Variants in BBX observed in about 807,000 individuals in gnomAD.
BBX encodes the protein HMG box transcription factor BBX.
A neutral mutation model predicts 100.2 loss-of-function variants in BBX; 30 were observed. That is an observed-to-expected ratio of 0.30 (90% CI 0.22 to 0.41). The LOEUF is 0.41. BBX is among the 10% of genes least tolerant of loss of function. The probability of loss-of-function intolerance (pLI) is 1.00; values close to 1 mark genes in which losing one functional copy is unlikely to be tolerated. For synonymous variants in BBX, 376 were observed against 388.1 expected (o/e 0.97, Z 0.37); for missense variants, 1,023 against 1,129.8 (o/e 0.91, Z 1.35).
At chr3:107,698,181 T>C (rs2060787980) in intron 3 of BBX, among the ~76,000 whole-genome samples, 1 of 151,870 alleles carries the variant, frequency 6.6e-6, no homozygotes, top group South Asian at 2.1e-4. Flanking sequence ...CTGGGAGCTG[T>C]AGACCAGAGC....
At chr3:107,644,067 G>A (rs978300027) in intron 2 of BBX, among the ~76,000 whole-genome samples, 1 of 152,140 alleles carries the variant, frequency 6.6e-6, no homozygotes, top group South Asian at 2.1e-4. Context: ...TGCATCATGG[G>A]TAATAAATTA....
chr3:107,688,637 T>C (rs144146332), intron 3 of BBX, among the ~76,000 whole-genome samples: 12 of 152,334 alleles, frequency 7.9e-5, no homozygotes, highest in African/African-American at 2.6e-4. Context: ...GGACCACATT[T>C]GTTGCACTCT....
chr3:107,691,042 G>T (rs542677308), intron 3 of BBX, among the ~76,000 whole-genome samples: 19 of 151,722 alleles, frequency 1.3e-4, no homozygotes, highest in African/African-American at 4.6e-4. Context: ...AAGTAGCTAG[G>T]ACCACCGGTG....
intron 2 of BBX, among the ~76,000 whole-genome samples, chr3:107,591,469 A>C (rs1396152611): frequency 6.6e-6 from 1 of 152,092 alleles, no homozygotes; most frequent in East Asian, 1.9e-4. Flanking sequence ...TAGAAAGGAA[A>C]GGGGGAGATA....
chr3:107,541,748 A>T lies in BBX; in HGVS notation c.-84+15350A>T, dbSNP rs190178747. Among the ~76,000 whole-genome samples, 305 of 152,124 alleles carry T rather than the reference A, an allele frequency of 2.0e-3. 1 individual carries two copies. The Middle Eastern group carries it at 0.037, about 19-fold the overall frequency. ...ATATTCAGATACCTGAGCTACTCCT[A>T]TTTCTGTAACATGTTCATATTGTAA... On this transcript the variant is annotated intron_variant, in intron 2 of 17. Coordinates refer to ENST00000325805, the MANE Select transcript of BBX (RefSeq NM_001142568.3).
At chr3:107,600,169 A>T (rs1235413217) in intron 2 of BBX, among the ~76,000 whole-genome samples, 1 of 152,224 alleles carries the variant, frequency 6.6e-6, no homozygotes, top group Non-Finnish European at 1.5e-5. Context: ...ACACACATGC[A>T]TGTATATTTT....
intron 13 of BBX, 72 bp downstream of exon 13, chr3:107,778,591 C>G (rs2067522628): frequency 6.7e-7 from 1 of 1,487,106 alleles, no homozygotes; most frequent in African/African-American, 1.4e-5. Flanking sequence ...GCTTTTAGCT[C>G]CCTTTAGACA....
In BBX at chr3:107,557,979, G is replaced by A. The variant is rs2050201997; in HGVS notation, c.-84+31581G>A. On this transcript the variant is annotated intron_variant, in intron 2 of 17. Coordinates refer to ENST00000325805, the MANE Select transcript of BBX (RefSeq NM_001142568.3). ...ACCTGGTAGAAATACCTATACCCAGGTCTCCAGAATCCTGAATCAGAAACT... is the reference window on the plus strand; with the variant it reads ...ACCTGGTAGAAATACCTATACCCAGATCTCCAGAATCCTGAATCAGAAACT... Among the ~76,000 whole-genome samples the A allele has an allele frequency of 2.0e-5, 3 of 152,204 alleles. No homozygotes were observed. The South Asian group carries it at 6.2e-4, about 32-fold the overall frequency.
chr3:107,685,690 T>C (rs757569438), intron 3 of BBX, among the ~76,000 whole-genome samples: 1 of 152,244 alleles, frequency 6.6e-6, no homozygotes, highest in Non-Finnish European at 1.5e-5. Context: ...TAACTAATAC[T>C]CTATTTGGGC....
At position 107,789,850 on chromosome 3, in the gene BBX, A is replaced by G. The variant is rs1436921589; in HGVS notation, c.2267A>G (p.Lys756Arg). The G allele has an allele frequency of 4.5e-6, 7 of 1,550,274 alleles. No individual in the cohort carries two copies. In the Admixed American group the frequency reaches 1.4e-4, roughly 30 times the overall value. Reference protein sequence around the residue: ...HKIVSKYKHKKEKPNVPEKGS... With the variant: ...HKIVSKYKHKREKPNVPEKGS... ...ATTGTCAGCAAATATAAGCACAAAA[A>G]GGAGAAGCCCAATGTTCCGGAAAAA... The change falls in exon 14 of 18, where the codon AAG (lysine) becomes AGG (arginine). Residue 756 changes from lysine (K) to arginine (R), a missense_variant. Coordinates refer to ENST00000325805, the MANE Select transcript of BBX (RefSeq NM_001142568.3).
At chr3:107,578,643 G>A (rs2052016263) in intron 2 of BBX, among the ~76,000 whole-genome samples, 1 of 152,056 alleles carries the variant, frequency 6.6e-6, no homozygotes, top group African/African-American at 2.4e-5. Context: ...GAGCAGAGGG[G>A]CTCGTGGCCC....
At chr3:107,546,694 A>G (rs1339951638) in intron 2 of BBX, among the ~76,000 whole-genome samples, 1 of 152,218 alleles carries the variant, frequency 6.6e-6, no homozygotes, top group African/African-American at 2.4e-5. Context: ...ATCCAAGAAG[A>G]AAATTTCTGT....
chr3:107,712,799 C>A (rs1234078304), intron 4 of BBX, among the ~76,000 whole-genome samples: 1 of 152,194 alleles, frequency 6.6e-6, no homozygotes, highest in Non-Finnish European at 1.5e-5. Context: ...TGTGTGCTCA[C>A]TGCTCTCTGT....
At chr3:107,737,853 C>T (rs189088653) in intron 7 of BBX, among the ~76,000 whole-genome samples, 21 of 139,176 alleles carry the variant, frequency 1.5e-4, no homozygotes, top group African/African-American at 4.8e-4. Flanking sequence ...TTATTCAAAA[C>T]GCTTGGGACC....
intron 3 of BBX, among the ~76,000 whole-genome samples, chr3:107,710,084 T>C (rs1309747661): frequency 6.6e-6 from 1 of 152,250 alleles, no homozygotes; most frequent in Non-Finnish European, 1.5e-5. Flanking sequence ...GTTCTTCTGA[T>C]GGGAAATTGA....
At chr3:107,652,568 A>G (rs1359256185) in intron 3 of BBX, among the ~76,000 whole-genome samples, 1 of 152,208 alleles carries the variant, frequency 6.6e-6, no homozygotes, top group Non-Finnish European at 1.5e-5. Flanking sequence ...TCTTAACATT[A>G]AGATCAATCT....
intron 9 of BBX, among the ~76,000 whole-genome samples, chr3:107,751,399 T>G (rs1440856325): frequency 6.6e-6 from 1 of 152,242 alleles, no homozygotes; most frequent in Non-Finnish European, 1.5e-5. Context: ...CAAACTCTTT[T>G]AACACTGGGA....
chr3:107,700,189 A>G (rs1425784952), intron 3 of BBX, among the ~76,000 whole-genome samples: 1 of 151,862 alleles, frequency 6.6e-6, no homozygotes, highest in Non-Finnish European at 1.5e-5. Context: ...TTGACAGTTC[A>G]TCAAAGTAAC....
chr3:107,545,028 A>AT (rs1031983145), intron 2 of BBX, among the ~76,000 whole-genome samples: 2 of 150,622 alleles, frequency 1.3e-5, no homozygotes, highest in East Asian at 1.9e-4. Context: ...AAAAAAAAAA[A>AT]TTTTTTAAAA....
Sources: allele counts gnomAD v4.1 joint callset (sites outside exome capture counted in the v4.1 genomes callset), GRCh38; gene constraint gnomAD v4.1.1; transcripts MANE v1.5; gene names NCBI Gene and HGNC (gene_info 2026-07-23, HGNC 2026-07-21).